The following NKAIN2 variants were observed in gnomAD, a reference collection of about 807,000 sequenced individuals.
The protein encoded by NKAIN2 is sodium/potassium transporting ATPase interacting 2, also known as sodium/potassium-transporting ATPase subunit beta-1-interacting protein 2.
In NKAIN2, 14 loss-of-function variants were observed where a neutral mutation model predicts 32.6. That is an observed-to-expected ratio of 0.43 (90% CI 0.28 to 0.67). The LOEUF is 0.67. NKAIN2 is among the 30% of genes least tolerant of loss of function. NKAIN2 has a pLI of 0.17. For synonymous variants in NKAIN2, 80 were observed against 87.2 expected (o/e 0.92, Z 0.46); for missense variants, 198 against 258.3 (o/e 0.77, Z 1.60).
intron 5 of NKAIN2, among the ~76,000 whole-genome samples, chr6:124,809,926 A>T (rs1780803745): frequency 6.6e-6 from 1 of 152,206 alleles, no homozygotes; most frequent in Non-Finnish European, 1.5e-5. Context: ...AATCAAAACC[A>T]CAATGAGATA....
intron 1 of NKAIN2, among the ~76,000 whole-genome samples, chr6:123,858,336 A>G (rs6927330): frequency 0.2 from 31,030 of 151,878 alleles, 3,534 homozygotes; most frequent in East Asian, 0.45. Flanking sequence ...GGCTGGTCTC[A>G]AACTCCCGAC....
At chr6:123,990,721 T>C (rs905283741) in intron 1 of NKAIN2, among the ~76,000 whole-genome samples, 1 of 152,206 alleles carries the variant, frequency 6.6e-6, no homozygotes, top group African/African-American at 2.4e-5. Flanking sequence ...TACTTAGTAG[T>C]TGAAAAGTTA....
intron 1 of NKAIN2, among the ~76,000 whole-genome samples, chr6:124,160,785 ATCTGAAATC>A (rs1471169466): frequency 1.3e-5 from 2 of 152,176 alleles, no homozygotes; most frequent in Non-Finnish European, 2.9e-5. Flanking sequence ...TTTTTAGAAT[ATCTGAAATC>A]CCAAATTTAT....
intron 1 of NKAIN2, among the ~76,000 whole-genome samples, chr6:124,200,094 G>A (rs1790525347): frequency 6.6e-6 from 1 of 152,090 alleles, no homozygotes; most frequent in Non-Finnish European, 1.5e-5. Context: ...AATTTTGCAT[G>A]TTTTATATCA....
At chr6:123,999,585 TA>T (rs1268146259) in intron 1 of NKAIN2, among the ~76,000 whole-genome samples, 1 of 152,186 alleles carries the variant, frequency 6.6e-6, no homozygotes, top group Non-Finnish European at 1.5e-5. Context: ...TTCACAAACT[TA>T]AGTTTTATCC....
At chr6:123,855,602 C>A (rs142468356) in intron 1 of NKAIN2, among the ~76,000 whole-genome samples, 1 of 152,278 alleles carries the variant, frequency 6.6e-6, no homozygotes, top group South Asian at 2.1e-4. Flanking sequence ...AGACCAGCCA[C>A]GGTTACTGCA....
chr6:123,925,291 T>C (rs1325961060), intron 1 of NKAIN2, among the ~76,000 whole-genome samples: 4 of 152,230 alleles, frequency 2.6e-5, no homozygotes, highest in Non-Finnish European at 5.9e-5. Flanking sequence ...AAATAATTTC[T>C]ATTCAAGGAA....
At chr6:124,007,316 C>G (rs1057105266) in intron 1 of NKAIN2, among the ~76,000 whole-genome samples, 2 of 152,126 alleles carry the variant, frequency 1.3e-5, no homozygotes, top group Non-Finnish European at 2.9e-5. Context: ...TTAGATTCTT[C>G]TGATACATTT....
intron 3 of NKAIN2, among the ~76,000 whole-genome samples, chr6:124,559,463 A>G (rs1236904530): frequency 6.6e-6 from 1 of 152,122 alleles, no homozygotes; most frequent in Non-Finnish European, 1.5e-5. Context: ...TTACCGTCTC[A>G]ACTACGCACT....
chr6:124,277,885 A>G (rs1795110179), intron 1 of NKAIN2, among the ~76,000 whole-genome samples: 1 of 152,106 alleles, frequency 6.6e-6, no homozygotes. Flanking sequence ...ACCTTAAAAA[A>G]AAAACTCTGT....
At chr6:124,409,493 C>T (rs1401220793) in intron 3 of NKAIN2, among the ~76,000 whole-genome samples, 8 of 152,086 alleles carry the variant, frequency 5.3e-5, no homozygotes, top group Non-Finnish European at 8.8e-5. Flanking sequence ...TGCTGTATTA[C>T]GTTTATTGAT....
chr6:123,826,850 G>T (rs566635315), intron 1 of NKAIN2, among the ~76,000 whole-genome samples: 2 of 152,056 alleles, frequency 1.3e-5, no homozygotes. Context: ...GTTCTTTTGG[G>T]TGTATATCCA....
chr6:124,629,004 C>A (rs906137994), intron 3 of NKAIN2, among the ~76,000 whole-genome samples: 1 of 151,972 alleles, frequency 6.6e-6, no homozygotes, highest in African/African-American at 2.4e-5. Flanking sequence ...GCTGAGTGTG[C>A]CCAGTCGTTT....
At chr6:124,624,882 CATT>C (rs1783247382) in intron 3 of NKAIN2, among the ~76,000 whole-genome samples, 1 of 152,102 alleles carries the variant, frequency 6.6e-6, no homozygotes, top group African/African-American at 2.4e-5. Flanking sequence ...TAAAATGCAT[CATT>C]GTGTTTTCTC....
At chr6:124,312,518 AAAG>A (rs774811554) in intron 2 of NKAIN2, among the ~76,000 whole-genome samples, 11 of 152,164 alleles carry the variant, frequency 7.2e-5, no homozygotes, top group Non-Finnish European at 1.6e-4. Context: ...TTTATTATAA[AAAG>A]AATATTACAA....
chr6:124,689,112 C>G (rs1181265335), intron 4 of NKAIN2, among the ~76,000 whole-genome samples: 1 of 152,130 alleles, frequency 6.6e-6, no homozygotes, highest in Non-Finnish European at 1.5e-5. Context: ...ATGATAGTTC[C>G]TCTTCCTCCA....
At chr6:123,979,038 T>G (rs1778773089) in intron 1 of NKAIN2, among the ~76,000 whole-genome samples, 1 of 152,144 alleles carries the variant, frequency 6.6e-6, no homozygotes, top group Admixed American at 6.5e-5. Context: ...AAAACAAATA[T>G]AACTATCATT....
intron 3 of NKAIN2, among the ~76,000 whole-genome samples, chr6:124,623,486 A>G (rs1478667743): frequency 6.6e-6 from 1 of 152,200 alleles, no homozygotes; most frequent in Non-Finnish European, 1.5e-5. Flanking sequence ...GAAAAGGCAT[A>G]GTTCCACAGA....
chr6:123,884,701 TCATTACAAA>T (rs1250467465), intron 1 of NKAIN2, among the ~76,000 whole-genome samples: 1 of 152,058 alleles, frequency 6.6e-6, no homozygotes, highest in Non-Finnish European at 1.5e-5. Flanking sequence ...GTAAAATAAT[TCATTACAAA>T]CATTACAAAC....
Sources: allele counts gnomAD v4.1 joint callset (sites outside exome capture counted in the v4.1 genomes callset), GRCh38; gene constraint gnomAD v4.1.1; transcripts MANE v1.5; gene names NCBI Gene and HGNC (gene_info 2026-07-23, HGNC 2026-07-21).